The following MAGI1 variants were observed in gnomAD, a reference collection of about 807,000 sequenced individuals.
MAGI1 encodes the protein membrane-associated guanylate kinase, WW and PDZ domain-containing protein 1.
MAGI1 carries 58 observed loss-of-function variants against 139.9 expected under a neutral mutation model. That is an observed-to-expected ratio of 0.41 (90% CI 0.34 to 0.52). The LOEUF (loss-of-function observed/expected upper bound fraction) is 0.52. Among genes scored for constraint, MAGI1 ranks in the 20% least tolerant of loss-of-function variants. The pLI, the probability that MAGI1 is intolerant of heterozygous loss-of-function variation, is 0.12. For synonymous variants in MAGI1, 812 were observed against 737.9 expected (o/e 1.10, Z -1.63); for missense variants, 1,874 against 1,901.6 (o/e 0.99, Z 0.27).
At chr3:65,777,866 T>C (rs1478939696) in intron 1 of MAGI1, among the ~76,000 whole-genome samples, 1 of 152,038 alleles carries the variant, frequency 6.6e-6, no homozygotes, top group Non-Finnish European at 1.5e-5. Flanking sequence ...TTAAATTATA[T>C]AAAAAATTTA....
At chr3:65,978,747 C>T (rs919627031) in intron 1 of MAGI1, among the ~76,000 whole-genome samples, 2 of 151,254 alleles carry the variant, frequency 1.3e-5, no homozygotes, top group African/African-American at 2.4e-5. Flanking sequence ...TCCAGCCTTG[C>T]GTCCTGAGTA....
intron 2 of MAGI1, among the ~76,000 whole-genome samples, chr3:65,503,915 T>C (rs1009808765): frequency 2.0e-5 from 3 of 152,206 alleles, no homozygotes; most frequent in African/African-American, 7.2e-5. Context: ...TGTATCCTTT[T>C]CCTGGAAGCC....
intron 1 of MAGI1, among the ~76,000 whole-genome samples, chr3:65,838,180 C>T (rs577945219): frequency 5.9e-5 from 9 of 152,216 alleles, no homozygotes; most frequent in South Asian, 2.1e-4. Flanking sequence ...GGTGTGGTGG[C>T]GCACGCCTGC....
chr3:65,497,323 A>T (rs1393744021), intron 2 of MAGI1, among the ~76,000 whole-genome samples: 2 of 152,186 alleles, frequency 1.3e-5, no homozygotes, highest in Non-Finnish European at 2.9e-5. Flanking sequence ...AAGATCGTCA[A>T]AGGAGACTAA....
intron 1 of MAGI1, among the ~76,000 whole-genome samples, chr3:65,932,026 T>C (rs1042250216): frequency 1.3e-5 from 2 of 152,132 alleles, no homozygotes; most frequent in African/African-American, 2.4e-5. Context: ...AATCAACAGA[T>C]TGAAAATCCA....
At chr3:65,617,196 T>G (rs959299428) in intron 2 of MAGI1, among the ~76,000 whole-genome samples, 1 of 152,200 alleles carries the variant, frequency 6.6e-6, no homozygotes, top group African/African-American at 2.4e-5. Context: ...GTCTCAGTAT[T>G]GGGAAGAGCC....
chr3:65,558,310 T>C (rs115372371), intron 2 of MAGI1, among the ~76,000 whole-genome samples: 4,387 of 152,256 alleles, frequency 0.029, 96 homozygotes, highest in Admixed American at 0.052. Context: ...ACTATGACTA[T>C]TGGTTGCAAG....
chr3:65,468,471 G>A (rs1172262425), intron 5 of MAGI1, among the ~76,000 whole-genome samples: 2 of 141,756 alleles, frequency 1.4e-5, no homozygotes, highest in Non-Finnish European at 1.5e-5. Flanking sequence ...CACCTCCCAG[G>A]TTCAAGTGAT....
chr3:65,618,242 G>A (rs114596670), intron 2 of MAGI1, among the ~76,000 whole-genome samples: 4,696 of 152,182 alleles, frequency 0.031, 239 homozygotes, highest in African/African-American at 0.11. Flanking sequence ...AACTGGAGGA[G>A]GAGAAAGAGA....
At chr3:65,692,262 A>G (rs1282809183) in intron 1 of MAGI1, among the ~76,000 whole-genome samples, 1 of 152,226 alleles carries the variant, frequency 6.6e-6, no homozygotes, top group Non-Finnish European at 1.5e-5. Context: ...ATGGTCAACA[A>G]AGACAGATAT....
intron 12 of MAGI1, among the ~76,000 whole-genome samples, chr3:65,402,577 T>C (rs572153920): frequency 6.6e-6 from 1 of 152,288 alleles, no homozygotes; most frequent in African/African-American, 2.4e-5. Flanking sequence ...AAGAGATGCT[T>C]GGGATCTGGT....
At chr3:65,905,507 T>G (rs1274556574) in intron 1 of MAGI1, among the ~76,000 whole-genome samples, 1 of 151,758 alleles carries the variant, frequency 6.6e-6, no homozygotes, top group Non-Finnish European at 1.5e-5. Context: ...AAAAAAAAAT[T>G]CTTTTTCTTA....
At chr3:65,635,623 C>A (rs894250750) in intron 1 of MAGI1, among the ~76,000 whole-genome samples, 3 of 152,148 alleles carry the variant, frequency 2.0e-5, no homozygotes, top group African/African-American at 7.2e-5. Context: ...CCCTTGTAAT[C>A]CAGGGTTTTA....
chr3:65,581,535 C>T (rs1238294119), intron 2 of MAGI1, among the ~76,000 whole-genome samples: 2 of 152,118 alleles, frequency 1.3e-5, no homozygotes, highest in Non-Finnish European at 2.9e-5. Flanking sequence ...GTCCCTGCCC[C>T]CTTGCTGCTA....
intron 1 of MAGI1, among the ~76,000 whole-genome samples, chr3:66,025,976 A>T (rs1357557587): frequency 6.6e-6 from 1 of 152,176 alleles, no homozygotes; most frequent in Non-Finnish European, 1.5e-5. Flanking sequence ...CAAAATCTAG[A>T]TGCCTACGCT....
intron 1 of MAGI1, among the ~76,000 whole-genome samples, chr3:65,722,020 T>C (rs115069273): frequency 1.3e-3 from 201 of 152,244 alleles, no homozygotes; most frequent in African/African-American, 4.5e-3. Context: ...CTTTCCACTA[T>C]GAGTTCCCTG....
At chr3:65,389,046 T>C (rs1297243864) in intron 14 of MAGI1, among the ~76,000 whole-genome samples, 8 of 151,640 alleles carry the variant, frequency 5.3e-5, no homozygotes, top group African/African-American at 1.9e-4. Flanking sequence ...GGTTTCACCA[T>C]ATTGGCCAGG....
chr3:65,967,210 T>C (rs1230617104), intron 1 of MAGI1, among the ~76,000 whole-genome samples: 1 of 152,168 alleles, frequency 6.6e-6, no homozygotes, highest in East Asian at 1.9e-4. Flanking sequence ...TGATAGACAG[T>C]TGGACAGCTA....
At chr3:65,380,641 T>C (rs1385912872) in intron 16 of MAGI1, 1 of 152,214 alleles carries the variant, frequency 6.6e-6, no homozygotes, top group African/African-American at 2.4e-5. Flanking sequence ...ATAATGTCTC[T>C]TCATAGATTT....
Sources: allele counts gnomAD v4.1 joint callset (sites outside exome capture counted in the v4.1 genomes callset), GRCh38; gene constraint gnomAD v4.1.1; transcripts MANE v1.5; gene names NCBI Gene and HGNC (gene_info 2026-07-23, HGNC 2026-07-21).